PPARGC1A: variants seen among roughly 807,000 people sequenced by gnomAD.
PPARGC1A encodes peroxisome proliferator-activated receptor gamma coactivator 1-alpha.
A neutral mutation model predicts 88.7 loss-of-function variants in PPARGC1A; 25 were observed. The observed-to-expected ratio is 0.28, with a 90% CI of 0.21 to 0.39. The LOEUF (loss-of-function observed/expected upper bound fraction) is 0.39. PPARGC1A is among the 10% of genes least tolerant of loss of function. The probability of loss-of-function intolerance (pLI) is 1.00; values close to 1 mark genes in which losing one functional copy is unlikely to be tolerated. For synonymous variants in PPARGC1A, 363 were observed against 355.6 expected (o/e 1.02, Z -0.24); for missense variants, 880 against 968.7 (o/e 0.91, Z 1.22).
intron 1 of PPARGC1A, among the ~76,000 whole-genome samples, chr4:23,887,123 A>G (rs1339878748): frequency 6.6e-6 from 1 of 152,198 alleles, no homozygotes; most frequent in East Asian, 1.9e-4. Context: ...AACCATTGAA[A>G]AGACCAGGTC....
At chr4:23,957,318 C>T in the PPARGC1A span, among the ~76,000 whole-genome samples, 1 of 152,008 alleles carries the variant, frequency 6.6e-6, no homozygotes, top group African/African-American at 2.4e-5. Flanking sequence ...GTGTCTGTTT[C>T]CCCTAGGAAT....
chr4:24,206,840 TAAAAAAAAA>T, the PPARGC1A span, among the ~76,000 whole-genome samples: 113 of 43,684 alleles, frequency 2.6e-3, 1 homozygote, highest in African/African-American at 6.4e-3. Flanking sequence ...GACTTCACCT[TAAAAAAAAA>T]AAAAAAAAAA....
At chr4:24,415,989 T>C in the PPARGC1A span, among the ~76,000 whole-genome samples, 1 of 152,194 alleles carries the variant, frequency 6.6e-6, no homozygotes, top group African/African-American at 2.4e-5. Flanking sequence ...TGTTTTGTAC[T>C]GCCAGCAAGG....
the PPARGC1A span, among the ~76,000 whole-genome samples, chr4:23,995,206 C>T: frequency 4.0e-5 from 6 of 151,880 alleles, no homozygotes; most frequent in East Asian, 1.9e-4. Flanking sequence ...ATATCTTGGG[C>T]TACACAGTAG....
chr4:24,377,633 T>G, the PPARGC1A span, among the ~76,000 whole-genome samples: 1 of 152,160 alleles, frequency 6.6e-6, no homozygotes, highest in Non-Finnish European at 1.5e-5. Flanking sequence ...GAGATGTGTC[T>G]GTGTGAAAAG....
At chr4:23,886,615 T>A (rs550423544) in intron 1 of PPARGC1A, among the ~76,000 whole-genome samples, 2 of 152,208 alleles carry the variant, frequency 1.3e-5, no homozygotes, top group African/African-American at 4.8e-5. Flanking sequence ...AAATTACAGA[T>A]CAGTATACTT....
chr4:24,289,789 T>C, the PPARGC1A span, among the ~76,000 whole-genome samples: 2 of 152,140 alleles, frequency 1.3e-5, no homozygotes, highest in Non-Finnish European at 2.9e-5. Flanking sequence ...CACTTCCAGC[T>C]TTTTTTAAAT....
the PPARGC1A span, among the ~76,000 whole-genome samples, chr4:24,362,350 C>CTGGATGGA: frequency 0.27 from 40,125 of 148,918 alleles, 5,587 homozygotes; most frequent in African/African-American, 0.32. Flanking sequence ...GAACACATGA[C>CTGGATGGA]TGGATGGATG....
chr4:24,298,725 A>G, the PPARGC1A span, among the ~76,000 whole-genome samples: 1 of 152,184 alleles, frequency 6.6e-6, no homozygotes, highest in Admixed American at 6.5e-5. Flanking sequence ...TAGTGTCTCA[A>G]TAAAACATGG....
At chr4:24,404,559 G>A in the PPARGC1A span, among the ~76,000 whole-genome samples, 1 of 151,922 alleles carries the variant, frequency 6.6e-6, no homozygotes, top group Admixed American at 6.6e-5. Context: ...GTGCAAGAAT[G>A]CTGTCCCCAG....
the PPARGC1A span, among the ~76,000 whole-genome samples, chr4:24,289,242 A>AAAAAAAAAAAAG: frequency 1.0e-5 from 1 of 95,802 alleles, no homozygotes; most frequent in Non-Finnish European, 1.9e-5. Context: ...AAAAAAAAAA[A>AAAAAAAAAAAAG]AGAGAGAGAG....
At chr4:24,241,711 C>A in the PPARGC1A span, among the ~76,000 whole-genome samples, 1 of 152,220 alleles carries the variant, frequency 6.6e-6, no homozygotes, top group East Asian at 1.9e-4. Context: ...GCAAAAATTT[C>A]AGGCCTAAAT....
chr4:23,958,032 C>T, the PPARGC1A span, among the ~76,000 whole-genome samples: 237 of 152,052 alleles, frequency 1.6e-3, 1 homozygote, highest in Middle Eastern at 0.014. Context: ...AATTCAGATA[C>T]TACAAATAGG....
the PPARGC1A span, among the ~76,000 whole-genome samples, chr4:24,034,191 G>A: frequency 6.6e-6 from 1 of 152,188 alleles, no homozygotes; most frequent in Non-Finnish European, 1.5e-5. Flanking sequence ...TTAAGATAGA[G>A]AGAAAAGAAG....
chr4:24,106,450 C>A, the PPARGC1A span, among the ~76,000 whole-genome samples: 2 of 152,178 alleles, frequency 1.3e-5, no homozygotes, highest in African/African-American at 2.4e-5. Context: ...CTTTGAGCAC[C>A]TTCAAGTAGC....
At chr4:24,440,336 A>T in the PPARGC1A span, among the ~76,000 whole-genome samples, 1 of 152,164 alleles carries the variant, frequency 6.6e-6, no homozygotes, top group South Asian at 2.1e-4. Context: ...CAAGCTCCTC[A>T]TCGGTTTTTT....
the PPARGC1A span, among the ~76,000 whole-genome samples, chr4:24,072,954 T>C: frequency 0.65 from 98,665 of 152,126 alleles, 32,291 homozygotes; most frequent in African/African-American, 0.72. Flanking sequence ...GAGGGATTCA[T>C]ACACAGAAAA....
the PPARGC1A span, among the ~76,000 whole-genome samples, chr4:24,388,730 A>C: frequency 6.6e-6 from 1 of 152,130 alleles, no homozygotes; most frequent in South Asian, 2.1e-4. Flanking sequence ...CAGAAAATCA[A>C]ACACTGCATG....
intron 12 of PPARGC1A, 51 bp from the exon 13 acceptor site, chr4:23,795,976 A>T: frequency 8.1e-7 from 1 of 1,233,384 alleles, no homozygotes; most frequent in Non-Finnish European, 1.2e-6. Context: ...GATGGCCATT[A>T]ACTCAATCAT....
Sources: allele counts gnomAD v4.1 joint callset (sites outside exome capture counted in the v4.1 genomes callset), GRCh38; gene constraint gnomAD v4.1.1; transcripts MANE v1.5; gene names NCBI Gene and HGNC (gene_info 2026-07-23, HGNC 2026-07-21).